The following GABPB2 variants were observed in gnomAD, a reference collection of about 807,000 sequenced individuals.
GABPB2 encodes GA-binding protein subunit beta-2.
GABPB2 carries 23 observed loss-of-function variants against 39.1 expected under a neutral mutation model. The observed-to-expected ratio is 0.59, with a 90% confidence interval of 0.42 to 0.83. The LOEUF is 0.83. Ranked by LOEUF, GABPB2 falls within the 40% of genes least tolerant of loss-of-function variation. The pLI is 0.00. For synonymous variants in GABPB2, 184 were observed against 199.3 expected (o/e 0.92, Z 0.65); for missense variants, 467 against 541.1 (o/e 0.86, Z 1.36).
At chr1:151,078,873 T>C (rs1677415507) in intron 1 of GABPB2, among the ~76,000 whole-genome samples, 1 of 151,700 alleles carries the variant, frequency 6.6e-6, no homozygotes, top group Admixed American at 6.6e-5. Context: ...GATTTCACCA[T>C]GTTGGCCAGG....
chr1:151,096,283 G>A (rs748796979), intron 4 of GABPB2, among the ~76,000 whole-genome samples: 1 of 151,924 alleles, frequency 6.6e-6, no homozygotes, highest in African/African-American at 2.4e-5. Flanking sequence ...GAAATTAGCC[G>A]GGCATGGCAG....
chr1:151,090,363 C>A, intron 2 of GABPB2, 43 bp from the exon 3 acceptor site: 1 of 1,573,160 alleles, frequency 6.4e-7, no homozygotes, highest in Non-Finnish European at 8.7e-7. Context: ...CGATCTAGGA[C>A]TCTGCACACA....
chr1:151,098,998 C>G (rs1275225242), intron 5 of GABPB2, among the ~76,000 whole-genome samples: 1 of 149,826 alleles, frequency 6.7e-6, no homozygotes, highest in African/African-American at 2.5e-5. Flanking sequence ...GCAGGAGAAT[C>G]GCTTGAACCT....
At chr1:151,092,743 T>C (rs1390360357) in intron 3 of GABPB2, among the ~76,000 whole-genome samples, 6 of 152,004 alleles carry the variant, frequency 3.9e-5, no homozygotes, top group Admixed American at 2.0e-4. Flanking sequence ...CTGGCTAATG[T>C]TTTGAATTTT....
chr1:151,095,718 A>C (rs1045937802), intron 4 of GABPB2, among the ~76,000 whole-genome samples: 1 of 151,912 alleles, frequency 6.6e-6, no homozygotes, highest in African/African-American at 2.4e-5. Flanking sequence ...CTAGTGGAGG[A>C]TAAAGGAAAA....
At position 151,123,781 on chromosome 1, in the gene GABPB2, G is replaced by A. The variant is rs1044508616; in HGVS notation, c.*5525G>A. On this transcript the variant is annotated 3_prime_UTR_variant, in exon 9 of 9. Transcript: ENST00000368918. Reference sequence around the variant, plus strand: ...GCAGGAGAATGACGTGAACCCAGGAGGCAGAGCTTGCAGTGAGCTGAGATC... The same window carrying A: ...GCAGGAGAATGACGTGAACCCAGGAAGCAGAGCTTGCAGTGAGCTGAGATC... The A allele has an allele frequency of 1.3e-5, 2 of 151,874 alleles. No homozygotes were observed. Among genetic ancestry groups the A allele is most frequent in the African/African-American group, 4.8e-5 (2 of 41,322 alleles). The allele number at this position is 151,874 out of a possible 1,614,324, so 9.4% of individuals were successfully genotyped here.
intron 1 of GABPB2, among the ~76,000 whole-genome samples, chr1:151,080,544 TAAATA>T (rs1553260955): frequency 2.7e-5 from 4 of 147,298 alleles, no homozygotes; most frequent in African/African-American, 7.5e-5. Flanking sequence ...AATAAATAAA[TAAATA>T]AAATAAAAAG....
At chr1:151,073,374 G>A (rs1676881244) in intron 1 of GABPB2, among the ~76,000 whole-genome samples, 1 of 152,108 alleles carries the variant, frequency 6.6e-6, no homozygotes, top group African/African-American at 2.4e-5. Flanking sequence ...GGAAAGTGGA[G>A]GTACAGCCAG....
At chr1:151,098,506 AAAAAAAAAAAAGG>A (rs1173298187) in intron 5 of GABPB2, among the ~76,000 whole-genome samples, 12 of 151,928 alleles carry the variant, frequency 7.9e-5, no homozygotes, top group Admixed American at 6.6e-4. Context: ...GTCTCTAAAA[AAAAAAAAAAAAGG>A]AAAATATTGT....
At position 151,107,064 on chromosome 1, in the gene GABPB2, A is replaced by G. The variant is rs1216457098; in HGVS notation, c.764A>G (p.Asn255Ser). 3 of 1,606,790 alleles carry G rather than the reference A, an allele frequency of 1.9e-6. No individual in the cohort carries two copies. Among genetic ancestry groups the G allele is most frequent in the Non-Finnish European group, 2.5e-6 (3 of 1,177,872 alleles). Residue 255 changes from asparagine to serine, a missense_variant, in exon 7 of 9, where the codon AAT (asparagine) becomes AGT (serine). By Grantham distance (46) the Asn-to-Ser change is conservative. Transcript: ENST00000368918. Reference sequence around the variant, plus strand: ...AATACAGAGGAAATTATAGAAGGAAATTCCGTTGACTCATCAATCCAGCAA... The same window carrying G: ...AATACAGAGGAAATTATAGAAGGAAGTTCCGTTGACTCATCAATCCAGCAA... Reference protein sequence around the residue: ...TANTEEIIEGNSVDSSIQQVM... With the variant: ...TANTEEIIEGSSVDSSIQQVM...
chr1:151,073,434 G>T (rs1676885871), intron 1 of GABPB2, among the ~76,000 whole-genome samples: 3 of 152,172 alleles, frequency 2.0e-5, no homozygotes, highest in Admixed American at 2.0e-4. Flanking sequence ...GAAGTGCCTA[G>T]ACTGTTTTCT....
At chr1:151,100,387 C>T (rs587624255) in intron 5 of GABPB2, among the ~76,000 whole-genome samples, 3 of 151,366 alleles carry the variant, frequency 2.0e-5, no homozygotes, top group African/African-American at 4.8e-5. Context: ...TTGTGATCCA[C>T]TCGCCATGGC....
intron 6 of GABPB2, 75 bp downstream of exon 6, chr1:151,103,750 C>A: frequency 1.1e-6 from 1 of 939,996 alleles, no homozygotes. Flanking sequence ...ATTTAATTTG[C>A]ATGAAATATT....
chr1:151,071,162 G>GT (rs1676675550), intron 1 of GABPB2, among the ~76,000 whole-genome samples: 1 of 152,024 alleles, frequency 6.6e-6, no homozygotes, highest in Admixed American at 6.6e-5. Context: ...GGGGGTGGGT[G>GT]TAAGACCTGG....
chr1:151,091,773 G>A (rs1375221358), intron 3 of GABPB2, among the ~76,000 whole-genome samples: 3 of 151,644 alleles, frequency 2.0e-5, no homozygotes, highest in Admixed American at 6.6e-5. Context: ...CACCACGCCC[G>A]GCCCTAAAAC....
intron 1 of GABPB2, among the ~76,000 whole-genome samples, chr1:151,071,768 G>A (rs983412501): frequency 1.3e-5 from 2 of 152,192 alleles, no homozygotes; most frequent in Admixed American, 6.5e-5. Context: ...CACGGCTCCC[G>A]GCCTCGCCTC....
At position 151,117,398 on chromosome 1, in the gene GABPB2, C is replaced by T; in HGVS notation, c.929C>T (p.Thr310Ile). 1 of 1,613,678 alleles carries T rather than the reference C, an allele frequency of 6.2e-7. No individual in the cohort carries two copies. The change falls in exon 8 of 9, where the codon ACT becomes ATT. Residue 310 changes from threonine (T) to isoleucine (I), a missense_variant. Transcript: ENST00000368918. ...VTVQDGQQVL[T>I]VPAGKVAEET... is the part of the protein sequence containing the mutation. Reference sequence around the variant, plus strand: ...GGTGTCCTTTGACTTGTAGTTCTAACTGTACCTGCTGGTAAGGTTGCAGAG... The same window carrying T: ...GGTGTCCTTTGACTTGTAGTTCTAATTGTACCTGCTGGTAAGGTTGCAGAG...
At chr1:151,075,695 C>T (rs776806807) in intron 1 of GABPB2, among the ~76,000 whole-genome samples, 5 of 151,078 alleles carry the variant, frequency 3.3e-5, no homozygotes, top group Non-Finnish European at 7.4e-5. Context: ...GGCAACAGAG[C>T]GAGACTTCAT....
chr1:151,111,032 C>G (rs1326832167), intron 7 of GABPB2, among the ~76,000 whole-genome samples: 2 of 152,120 alleles, frequency 1.3e-5, no homozygotes, highest in Admixed American at 6.6e-5. Flanking sequence ...GTAATCCCAG[C>G]ACTTTGGGAG....
Sources: gnomAD v4.1 joint callset for allele counts (sites outside exome capture counted in the v4.1 genomes callset) on GRCh38, gnomAD v4.1.1 for gene constraint, MANE v1.5 for transcripts, NCBI Gene and HGNC (gene_info 2026-07-23, HGNC 2026-07-21) for gene names.